PTPRQ: variants seen among roughly 807,000 people sequenced by gnomAD.
PTPRQ encodes phosphatidylinositol phosphatase PTPRQ.
Under a neutral mutation model 246.0 loss-of-function variants are expected in PTPRQ, and 199 were observed. That is an observed-to-expected ratio of 0.81 (90% CI 0.72 to 0.91). PTPRQ has a LOEUF of 0.91. Ranked by LOEUF, PTPRQ falls within the 40% of genes least tolerant of loss-of-function variation. The probability of loss-of-function intolerance (pLI) is 0.00; values close to 1 mark genes in which losing one functional copy is unlikely to be tolerated. For synonymous variants in PTPRQ, 869 were observed against 853.2 expected (o/e 1.02, Z -0.32); for missense variants, 2,624 against 2,528.4 (o/e 1.04, Z -0.81).
chr12:80,651,940 G>T (rs1450539109), intron 37 of PTPRQ, among the ~76,000 whole-genome samples: 2 of 151,678 alleles, frequency 1.3e-5, no homozygotes, highest in African/African-American at 4.8e-5. Flanking sequence ...AATAAGAAAG[G>T]GAAACTTATC....
intron 8 of PTPRQ, 96 bp from the exon 9 acceptor site, chr12:80,484,337 A>G (rs1894196925): frequency 7.3e-7 from 1 of 1,365,430 alleles, no homozygotes; most frequent in Non-Finnish European, 9.8e-7. Flanking sequence ...TTGTTTATAT[A>G]TCTTAAATTG....
rs1383260408 is a variant in PTPRQ, at chr12:80,588,363, T to G, written c.4520T>G (p.Phe1507Cys). The G allele has an allele frequency of 6.5e-6, 10 of 1,546,262 alleles. No individual in the cohort carries two copies. Among genetic ancestry groups the G allele is most frequent in the Non-Finnish European group, 8.7e-6 (10 of 1,143,746 alleles). Residue 1507 changes from phenylalanine to cysteine, a missense_variant, in exon 26 of 45, where the codon TTT becomes TGT. Phe to Cys is a radical substitution (Grantham distance 205). Transcript: ENST00000644991. Reference protein sequence around the residue: ...TEETVYGLKKFRWYRFQVAAS... With the variant: ...TEETVYGLKKCRWYRFQVAAS... ...GAGACAGTATATGGATTAAAGAAAT[T>G]TAGATGGTATAGATTCCAAGTGGCT...
intron 17 of PTPRQ, among the ~76,000 whole-genome samples, chr12:80,525,580 T>C (rs1349411924): frequency 6.6e-6 from 1 of 150,824 alleles, no homozygotes; most frequent in East Asian, 1.9e-4. Context: ...AGTGTGATCA[T>C]ACATCTTTGG....
intron 36 of PTPRQ, 27 bp from the exon 37 acceptor site, chr12:80,649,561 C>T (rs1353402664): frequency 1.5e-5 from 23 of 1,547,398 alleles, no homozygotes; most frequent in African/African-American, 9.6e-5. Context: ...TAACATGACC[C>T]TATTTTATAC....
rs1894837677 is a variant in PTPRQ, at chr12:80,502,658, G to A, written c.2273-3366G>A. On this transcript the variant is annotated intron_variant, in intron 14 of 44. Transcript: ENST00000644991. ...CATGTAGGGAAATGAAGGCATAAGA[G>A]AGGTGATGCACAGTGAAGATTTGAT... is the stretch of plus-strand genomic sequence containing the variant. Among the ~76,000 whole-genome samples, 4 of 151,898 alleles carry A rather than the reference G, an allele frequency of 2.6e-5. No individual in the cohort carries two copies. In the South Asian group the frequency reaches 8.3e-4, roughly 31 times the overall value.
intron 35 of PTPRQ, among the ~76,000 whole-genome samples, chr12:80,636,081 C>T (rs149342800): frequency 2.6e-5 from 4 of 152,214 alleles, no homozygotes; most frequent in Admixed American, 1.3e-4. Context: ...AAGCAAAGTC[C>T]TTCCAAATGC....
At chr12:80,607,491 C>T (rs1338867852) in intron 27 of PTPRQ, among the ~76,000 whole-genome samples, 1 of 143,142 alleles carries the variant, frequency 7.0e-6, no homozygotes, top group Non-Finnish European at 1.6e-5. Context: ...CCTTCCCTTA[C>T]TTCCTTCCTT....
At chr12:80,525,654 GTCTCTCTCTCTCTC>G (rs71816551) in intron 17 of PTPRQ, among the ~76,000 whole-genome samples, 1 of 147,292 alleles carries the variant, frequency 6.8e-6, no homozygotes, top group Admixed American at 6.8e-5. Context: ...CTCTCTCTCT[GTCTCTCTCTCTCTC>G]TCTCTCTCTC....
intron 33 of PTPRQ, among the ~76,000 whole-genome samples, chr12:80,627,377 TAATAAA>T (rs1357234766): frequency 7.4e-6 from 1 of 135,888 alleles, no homozygotes; most frequent in Non-Finnish European, 1.6e-5. Flanking sequence ...ATAATAATAA[TAATAAA>T]GAAGGAGGAA....
At chr12:80,533,634 T>A (rs1257360539) in intron 17 of PTPRQ, among the ~76,000 whole-genome samples, 1 of 152,052 alleles carries the variant, frequency 6.6e-6, no homozygotes, top group Non-Finnish European at 1.5e-5. Flanking sequence ...AAATTAATAG[T>A]TTAAATAAGA....
chr12:80,478,188 A>C (rs12304050), intron 8 of PTPRQ, among the ~76,000 whole-genome samples: 33,815 of 133,864 alleles, frequency 0.25, 5,853 homozygotes, highest in African/African-American at 0.44. Context: ...GATCTGAGAA[A>C]GGGGAAACTG....
intron 39 of PTPRQ, among the ~76,000 whole-genome samples, chr12:80,661,215 ATAT>A (rs1226541195): frequency 2.0e-5 from 2 of 98,788 alleles, no homozygotes; most frequent in African/African-American, 1.6e-4. Context: ...AAAGGAAAAA[ATAT>A]ATATATATAA....
intron 25 of PTPRQ, among the ~76,000 whole-genome samples, chr12:80,579,559 C>A (rs1357922947): frequency 6.6e-6 from 1 of 152,120 alleles, no homozygotes; most frequent in Non-Finnish European, 1.5e-5. Context: ...AAATATTTTT[C>A]ATCTATGTAT....
At chr12:80,622,183 T>C in intron 33 of PTPRQ, 49 bp downstream of exon 33, 2 of 1,270,538 alleles carry the variant, frequency 1.6e-6, no homozygotes, top group Non-Finnish European at 2.1e-6. Flanking sequence ...TTTATCAAAG[T>C]TGGAACATTT....
chr12:80,558,592 A>G (rs1896732284), intron 25 of PTPRQ, among the ~76,000 whole-genome samples: 1 of 151,922 alleles, frequency 6.6e-6, no homozygotes, highest in African/African-American at 2.4e-5. Flanking sequence ...CTATAAACAC[A>G]CGTGCACAAT....
At chr12:80,517,036 A>G (rs747513834) in intron 17 of PTPRQ, among the ~76,000 whole-genome samples, 10 of 152,160 alleles carry the variant, frequency 6.6e-5, no homozygotes, top group Non-Finnish European at 1.3e-4. Context: ...GGGATGACCA[A>G]TGTTCTGACC....
intron 21 of PTPRQ, 37 bp downstream of exon 21, chr12:80,541,882 G>T: frequency 6.7e-7 from 1 of 1,486,212 alleles, no homozygotes; most frequent in Non-Finnish European, 8.9e-7. Context: ...TAAGCAGATT[G>T]TTGTTCTTTT....
At chr12:80,537,203 A>T (rs184386893) in intron 19 of PTPRQ, among the ~76,000 whole-genome samples, 15 of 152,356 alleles carry the variant, frequency 9.8e-5, no homozygotes. Context: ...GCTTTAACTT[A>T]TTCCTAAAGT....
chr12:80,549,763 T>G, intron 25 of PTPRQ, 29 bp downstream of exon 25: 1 of 1,508,692 alleles, frequency 6.6e-7, no homozygotes, highest in East Asian at 2.5e-5. Flanking sequence ...GTAACTAACA[T>G]GAAACCTTTA....
Sources: allele counts gnomAD v4.1 joint callset (sites outside exome capture counted in the v4.1 genomes callset), GRCh38; gene constraint gnomAD v4.1.1; transcripts MANE v1.5; gene names NCBI Gene and HGNC (gene_info 2026-07-23, HGNC 2026-07-21).